Variants in NLGN1 observed in about 807,000 individuals in gnomAD.
NLGN1 encodes the protein neuroligin 1.
Under a neutral mutation model 65.5 loss-of-function variants are expected in NLGN1, and 12 were observed. The observed-to-expected ratio is 0.18, with a 90% CI of 0.12 to 0.30. The LOEUF is 0.30. Among genes scored for constraint, NLGN1 ranks in the 10% least tolerant of loss-of-function variants. NLGN1 has a pLI of 1.00. For missense variants in NLGN1, 750 were observed against 1,007.1 expected (o/e 0.74, Z 3.46); for synonymous variants, 350 against 359.5 (o/e 0.97, Z 0.30).
chr3:173,725,303 C>T (rs1367512375), intron 3 of NLGN1, among the ~76,000 whole-genome samples: 1 of 151,980 alleles, frequency 6.6e-6, no homozygotes, highest in Non-Finnish European at 1.5e-5. Flanking sequence ...TTCTGTTTTT[C>T]TTGTCTCATC....
chr3:174,170,765 T>A (rs1164531336), intron 4 of NLGN1, among the ~76,000 whole-genome samples: 2 of 152,200 alleles, frequency 1.3e-5, no homozygotes, highest in Non-Finnish European at 2.9e-5. Context: ...TTTTAGATCA[T>A]CTGAATCAAA....
chr3:173,438,791 G>A (rs617968), intron 2 of NLGN1, among the ~76,000 whole-genome samples: 15,714 of 152,100 alleles, frequency 0.1, 899 homozygotes, highest in Admixed American at 0.15. Context: ...GGGAGTTAAT[G>A]GGTACTGGAT....
chr3:173,907,503 A>G (rs1320784428), intron 4 of NLGN1, among the ~76,000 whole-genome samples: 1 of 151,350 alleles, frequency 6.6e-6, no homozygotes, highest in African/African-American at 2.4e-5. Flanking sequence ...TTCTTATCAC[A>G]TGTAGAGAGT....
chr3:173,867,460 TAAATA>T (rs1272127209), intron 4 of NLGN1, among the ~76,000 whole-genome samples: 3 of 152,176 alleles, frequency 2.0e-5, no homozygotes, highest in African/African-American at 7.2e-5. Flanking sequence ...TTATCTTTGA[TAAATA>T]AATTGAGCTT....
chr3:174,114,622 A>C (rs1355527266), intron 4 of NLGN1, among the ~76,000 whole-genome samples: 1 of 152,112 alleles, frequency 6.6e-6, no homozygotes, highest in Non-Finnish European at 1.5e-5. Flanking sequence ...TTTCCTTTTA[A>C]ATTACAATTT....
At chr3:173,993,414 A>G (rs1345085539) in intron 4 of NLGN1, among the ~76,000 whole-genome samples, 1 of 152,146 alleles carries the variant, frequency 6.6e-6, no homozygotes, top group Non-Finnish European at 1.5e-5. Context: ...TTGAATTTGG[A>G]GATATGATTC....
At chr3:173,869,637 C>T (rs982037247) in intron 4 of NLGN1, among the ~76,000 whole-genome samples, 1 of 151,978 alleles carries the variant, frequency 6.6e-6, no homozygotes, top group Non-Finnish European at 1.5e-5. Flanking sequence ...GTAAGCTAAC[C>T]TCAGCACATC....
chr3:173,913,727 C>T (rs1013785063), intron 4 of NLGN1, among the ~76,000 whole-genome samples: 2 of 152,156 alleles, frequency 1.3e-5, no homozygotes, highest in Non-Finnish European at 2.9e-5. Flanking sequence ...AAGAAAAGTG[C>T]TTGATTCTTT....
chr3:174,279,978 T>G lies in NLGN1; in HGVS notation c.1649+328T>G, dbSNP rs1394331985. On this transcript the variant is annotated intron_variant, in intron 6 of 6. Coordinates refer to ENST00000457714, the Ensembl canonical transcript of NLGN1. The surrounding 1 kb of genome is among the most constrained non-coding windows in gnomAD (Gnocchi z 4.7). ...AGTGCTTTGTCATTCACAACACTCT[T>G]TAATCCTTCCAACTACCTTTCTGAA... is the stretch of plus-strand genomic sequence containing the variant. Among the ~76,000 whole-genome samples, 6 of 151,992 alleles carry G rather than the reference T, an allele frequency of 3.9e-5. No homozygotes were observed. The East Asian group carries it at 9.7e-4, about 25-fold the overall frequency.
At chr3:174,224,705 A>G (rs920532819) in intron 4 of NLGN1, among the ~76,000 whole-genome samples, 2 of 152,170 alleles carry the variant, frequency 1.3e-5, no homozygotes, top group East Asian at 1.9e-4. Flanking sequence ...TCTCAAAAAA[A>G]AAGGAAATCT....
intron 2 of NLGN1, among the ~76,000 whole-genome samples, chr3:173,540,432 C>T (rs1438936580): frequency 3.3e-5 from 5 of 152,136 alleles, no homozygotes; most frequent in South Asian, 2.1e-4. Flanking sequence ...TCCAAAGAGG[C>T]CCACTATGTG....
At chr3:173,930,407 G>A (rs1214365880) in intron 4 of NLGN1, among the ~76,000 whole-genome samples, 2 of 152,092 alleles carry the variant, frequency 1.3e-5, no homozygotes, top group Non-Finnish European at 2.9e-5. Flanking sequence ...GCAATAAAAA[G>A]CAAAATGTAA....
chr3:173,878,198 C>T (rs776720466), intron 4 of NLGN1, among the ~76,000 whole-genome samples: 4 of 151,882 alleles, frequency 2.6e-5, no homozygotes, highest in Non-Finnish European at 4.4e-5. Flanking sequence ...CATGCCACCA[C>T]GCCTGGCTAA....
chr3:173,424,128 C>T (rs575507010), intron 1 of NLGN1, among the ~76,000 whole-genome samples: 13 of 152,280 alleles, frequency 8.5e-5, no homozygotes, highest in African/African-American at 3.1e-4. Context: ...ACCTTGGCCC[C>T]TTTTAGCCAC....
chr3:173,789,417 C>T (rs1382180971), intron 3 of NLGN1, among the ~76,000 whole-genome samples: 3 of 152,176 alleles, frequency 2.0e-5, no homozygotes, highest in African/African-American at 7.2e-5. Context: ...TTCCACATTA[C>T]ACGTGAAAAG....
At chr3:173,816,764 G>T (rs772056070) in intron 4 of NLGN1, among the ~76,000 whole-genome samples, 2 of 152,102 alleles carry the variant, frequency 1.3e-5, no homozygotes, top group Non-Finnish European at 2.9e-5. Flanking sequence ...TCCCATTTTA[G>T]GCATTATATG....
At chr3:173,585,758 T>G (rs1434604593) in intron 2 of NLGN1, among the ~76,000 whole-genome samples, 1 of 152,246 alleles carries the variant, frequency 6.6e-6, no homozygotes, top group Non-Finnish European at 1.5e-5. Flanking sequence ...CTGCCCTGCC[T>G]GCCTCGCCAC....
chr3:174,264,634 T>C (rs1747646684), intron 4 of NLGN1, among the ~76,000 whole-genome samples: 1 of 150,584 alleles, frequency 6.6e-6, no homozygotes, highest in Non-Finnish European at 1.5e-5. Context: ...TTGAATGTCC[T>C]CCCGCAGCTC....
chr3:173,839,091 A>C (rs1189885544), intron 4 of NLGN1, among the ~76,000 whole-genome samples: 1 of 95,732 alleles, frequency 1.0e-5, no homozygotes, highest in Non-Finnish European at 2.1e-5. Flanking sequence ...GAATTGGATG[A>C]CTTTTTTTTT....
Sources: gnomAD v4.1 joint callset for allele counts (sites outside exome capture counted in the v4.1 genomes callset) on GRCh38, gnomAD v4.1.1 for gene constraint, Gnocchi (gnomAD v3.1) non-coding constraint, MANE v1.5 for transcripts, NCBI Gene and HGNC (gene_info 2026-07-23, HGNC 2026-07-21) for gene names.